LRRC66: variants seen among roughly 807,000 people sequenced by gnomAD.
LRRC66 encodes leucine rich repeat containing 66, also known as leucine-rich repeat-containing protein 66.
In LRRC66, 29 loss-of-function variants were observed where a neutral mutation model predicts 24.6. The observed-to-expected ratio is 1.18, with a 90% CI of 0.88 to 1.61. The LOEUF is 1.61. LRRC66 is among the 40% of genes most tolerant of loss of function. The pLI is 0.00. For missense variants in LRRC66, 1,124 were observed against 1,058.0 expected (o/e 1.06, Z -0.87); for synonymous variants, 411 against 397.6 (o/e 1.03, Z -0.40).
chr4:51,995,911 C>G lies in LRRC66; in HGVS notation c.1111G>C (p.Ala371Pro). ...DVQAAGKKED[A>P]PQDLALAVCL... ...ACCGCCAGAGCCAGGTCCTGGGGAG[C>G]GTCCTCTTTTTTGCCGGCAGCCTGC... Residue 371 changes from alanine to proline, a missense_variant, in exon 5 of 5, where the codon GCT becomes CCT. Transcript: ENST00000682860. The G allele has an allele frequency of 6.2e-7, 1 of 1,614,070 alleles. No homozygotes were observed. Among genetic ancestry groups the G allele is most frequent in the East Asian group, 2.2e-5 (1 of 44,836 alleles).
chr4:52,006,252 G>T (rs1318873532), intron 2 of LRRC66, among the ~76,000 whole-genome samples: 1 of 152,096 alleles, frequency 6.6e-6, no homozygotes, highest in Admixed American at 6.5e-5. Flanking sequence ...ACATGCACAC[G>T]TATGTTTATT....
At chr4:52,005,258 A>G (rs1240015067) in intron 2 of LRRC66, among the ~76,000 whole-genome samples, 1 of 152,194 alleles carries the variant, frequency 6.6e-6, no homozygotes, top group Non-Finnish European at 1.5e-5. Context: ...ATTTGGCTGG[A>G]GCTGAATGAA....
In LRRC66 at chr4:51,995,321, G is replaced by T; in HGVS notation, c.1701C>A (p.Gly567=). Residue 567 remains glycine (G), a synonymous_variant, in exon 5 of 5, where the codon GGC becomes GGA. Transcript: ENST00000682860. The part of the protein sequence containing the change: ...SVAGTSHAVS[G]SSRYDSNELD... ...ATTCATTGGAATCATAACGGCTTGAGCCAGAGACAGCGTGAGACGTGCCAG... is the reference window on the plus strand; with the variant it reads ...ATTCATTGGAATCATAACGGCTTGATCCAGAGACAGCGTGAGACGTGCCAG... The T allele has an allele frequency of 6.2e-7, 1 of 1,614,200 alleles. No homozygotes were observed. Among genetic ancestry groups the T allele is most frequent in the Non-Finnish European group, 8.5e-7 (1 of 1,180,034 alleles).
At chr4:51,999,324 G>T (rs1235008318) in intron 3 of LRRC66, among the ~76,000 whole-genome samples, 1 of 152,152 alleles carries the variant, frequency 6.6e-6, no homozygotes, top group Non-Finnish European at 1.5e-5. Context: ...TCCTAAAGAA[G>T]GGCTTATTCA....
chr4:52,015,466 C>T (rs1042810739), intron 2 of LRRC66, among the ~76,000 whole-genome samples: 1 of 152,078 alleles, frequency 6.6e-6, no homozygotes, highest in Non-Finnish European at 1.5e-5. Flanking sequence ...TTAGAGTATA[C>T]GATTTGATGC....
chr4:52,002,520 C>A (rs192278471), intron 3 of LRRC66, among the ~76,000 whole-genome samples: 276 of 152,200 alleles, frequency 1.8e-3, no homozygotes, highest in African/African-American at 6.3e-3. Context: ...GCTGAAGCTG[C>A]CAGACCTGGA....
At chr4:52,004,509 C>A (rs1736531136) in intron 2 of LRRC66, among the ~76,000 whole-genome samples, 2 of 152,134 alleles carry the variant, frequency 1.3e-5, no homozygotes, top group African/African-American at 4.8e-5. Context: ...GTCCATTTGG[C>A]ACTGAAAATA....
At chr4:51,999,404 T>A (rs753450076) in intron 3 of LRRC66, among the ~76,000 whole-genome samples, 1 of 152,118 alleles carries the variant, frequency 6.6e-6, no homozygotes, top group Non-Finnish European at 1.5e-5. Flanking sequence ...TGAACTTGGG[T>A]AATAAGCGTG....
rs759739433 is a variant in LRRC66, at chr4:52,017,246, G to C, written c.368C>G (p.Ser123Cys). The C allele has an allele frequency of 1.9e-6, 3 of 1,614,142 alleles. No homozygotes were observed. Among genetic ancestry groups the C allele is most frequent in the Non-Finnish European group, 2.5e-6 (3 of 1,180,004 alleles). The change falls in exon 2 of 5, where the codon TCC becomes TGC. Residue 123 changes from serine to cysteine, a missense_variant. Coordinates refer to ENST00000682860, the MANE Select transcript of LRRC66 (RefSeq NM_001024611.3). ...AGGACTGAGTAGATCCAATGAGAGG[G>C]AGTGGATGGCATTGTTGCTGAGGTT... Reference protein sequence around the residue: ...VLNLSNNAIHSLSLDLLSPKS... With the variant: ...VLNLSNNAIHCLSLDLLSPKS...
At chr4:52,003,464 A>G in intron 2 of LRRC66, 72 bp from the exon 3 acceptor site, 1 of 1,330,498 alleles carries the variant, frequency 7.5e-7, no homozygotes. Context: ...TAATGGTGAA[A>G]AATTGGAGAC....
chr4:52,003,661 A>G (rs2110196646), intron 2 of LRRC66, among the ~76,000 whole-genome samples: 1 of 152,348 alleles, frequency 6.6e-6, no homozygotes, highest in Admixed American at 6.5e-5. Context: ...ATATGCAAAC[A>G]TATACATAGA....
At chr4:52,009,860 T>C (rs1736662616) in intron 2 of LRRC66, among the ~76,000 whole-genome samples, 2 of 152,108 alleles carry the variant, frequency 1.3e-5, no homozygotes. Flanking sequence ...ATTACTCTAA[T>C]ACCAAAACTA....
At chr4:52,004,581 G>T (rs1018142165) in intron 2 of LRRC66, among the ~76,000 whole-genome samples, 2 of 152,170 alleles carry the variant, frequency 1.3e-5, no homozygotes, top group Non-Finnish European at 2.9e-5. Flanking sequence ...TCCCATATGG[G>T]TCTCAGAAGG....
At chr4:52,005,291 C>T (rs137959063) in intron 2 of LRRC66, among the ~76,000 whole-genome samples, 26 of 152,198 alleles carry the variant, frequency 1.7e-4, no homozygotes, top group Admixed American at 1.4e-3. Context: ...TCAATGGGGG[C>T]GTGAGCTTAT....
rs1478565021 is a variant in LRRC66, at chr4:51,997,809, A to T, written c.795T>A (p.Phe265Leu). ...TCCAGGATTCAGAAATAAAATTTTG[A>T]AAGACTGCCACACTATCATCACACT... ...NWQCDDSVAV[F>L]QNFISESWRK... The change falls in exon 4 of 5, where the codon TTT (phenylalanine) becomes TTA (leucine). Residue 265 changes from phenylalanine (F) to leucine (L), a missense_variant. Coordinates refer to ENST00000682860, the MANE Select transcript of LRRC66 (RefSeq NM_001024611.3). 4 of 1,613,992 alleles carry T rather than the reference A, an allele frequency of 2.5e-6. No homozygotes were observed. In the African/African-American group the frequency reaches 5.3e-5, roughly 22 times the overall value.
At chr4:52,009,666 C>T (rs754862977) in intron 2 of LRRC66, among the ~76,000 whole-genome samples, 1 of 151,986 alleles carries the variant, frequency 6.6e-6, no homozygotes. Context: ...TGTGAATAAC[C>T]CTGCATCTAT....
chr4:52,013,803 T>C (rs1276635654), intron 2 of LRRC66, among the ~76,000 whole-genome samples: 1 of 152,248 alleles, frequency 6.6e-6, no homozygotes, highest in African/African-American at 2.4e-5. Flanking sequence ...AAATATGTGG[T>C]ACATAGTTAC....
In LRRC66 at chr4:51,995,295, A is replaced by C. The variant is rs1236936567; in HGVS notation, c.1727T>G (p.Leu576Ter). ...SGSSRYDSNE[L>*]DPSLSGEITA... ...TATTTCTCCGGAGAGGGAAGGGTCT[A>C]ATTCATTGGAATCATAACGGCTTGA... The change falls in exon 5 of 5, where the codon TTA becomes TGA. Residue 576 changes from leucine (L) to a stop codon, truncating the protein, a stop_gained. Coordinates refer to ENST00000682860, the MANE Select transcript of LRRC66 (RefSeq NM_001024611.3). LOFTEE classifies it low-confidence loss of function (END_TRUNC). 1 of 1,614,054 alleles carries C rather than the reference A, an allele frequency of 6.2e-7. No individual in the cohort carries two copies. The highest frequency in any genetic ancestry group is 8.5e-7 in the Non-Finnish European group (1 of 1,180,040).
chr4:51,994,855 T>G lies in LRRC66; in HGVS notation c.2167A>C (p.Ser723Arg), dbSNP rs747343230. 6.2e-7 allele frequency: 1 copy of G among 1,614,102 alleles called. No individual in the cohort carries two copies. Among genetic ancestry groups the G allele is most frequent in the Non-Finnish European group, 8.5e-7 (1 of 1,180,050 alleles). Reference sequence around the variant, plus strand: ...TCAGGCACTGCCTCTTCAGTCTTGCTCCTTGCACTCTCTGAACTTATGGAG... The same window carrying G: ...TCAGGCACTGCCTCTTCAGTCTTGCGCCTTGCACTCTCTGAACTTATGGAG... ...LSSISSESAR[S>R]KTEEAVPDEE... Residue 723 changes from serine to arginine, a missense_variant, in exon 5 of 5, where the codon AGC (serine) becomes CGC (arginine). Physicochemically the swap from Ser to Arg is moderately radical, Grantham distance 110. Coordinates refer to ENST00000682860, the MANE Select transcript of LRRC66 (RefSeq NM_001024611.3).
Sources: allele counts gnomAD v4.1 joint callset (sites outside exome capture counted in the v4.1 genomes callset), GRCh38; gene constraint gnomAD v4.1.1; transcripts MANE v1.5; gene names NCBI Gene and HGNC (gene_info 2026-07-23, HGNC 2026-07-21).